The following VPS50 variants were observed in gnomAD, a reference collection of about 807,000 sequenced individuals.
VPS50 encodes VPS50 subunit of EARP/GARPII complex.
VPS50 carries 70 observed loss-of-function variants against 139.7 expected under a neutral mutation model. That is an observed-to-expected ratio of 0.50 (90% CI 0.41 to 0.61). The LOEUF is 0.61. Ranked by LOEUF, VPS50 falls within the 20% of genes least tolerant of loss-of-function variation. The pLI, the probability that VPS50 is intolerant of heterozygous loss-of-function variation, is 0.00. For synonymous variants in VPS50, 365 were observed against 376.7 expected (o/e 0.97, Z 0.36); for missense variants, 921 against 1,133.7 (o/e 0.81, Z 2.69).
At position 93,355,923 on chromosome 7, in the gene VPS50, G is replaced by C. The variant is rs760683746; in HGVS notation, c.2618G>C (p.Gly873Ala). 1.2e-6 allele frequency: 2 copies of C among 1,601,448 alleles called. No homozygotes were observed. Among genetic ancestry groups the C allele is most frequent in the African/African-American group, 2.7e-5 (2 of 74,782 alleles). ...AATGTCAAGAAATGCAGTAATGAGG[G>C]TCGTGCCCTGATGCAATTGGATTTT... ...YANVKKCSNEGRALMQLDFQQ... is the reference protein window; with the variant it reads ...YANVKKCSNEARALMQLDFQQ... The change falls in exon 27 of 28, where the codon GGT becomes GCT. Residue 873 changes from glycine (G) to alanine (A), a missense_variant. By Grantham distance (60) the Gly-to-Ala change is moderately conservative. Around this residue, in one of 3 missense-constraint regions of VPS50, gnomAD observed 158 missense variants for 156.3 expected, o/e 1.01. Transcript: ENST00000305866.
At chr7:93,351,808 G>A (rs17711655) in intron 25 of VPS50, among the ~76,000 whole-genome samples, 3,152 of 152,136 alleles carry the variant, frequency 0.021, 55 homozygotes, top group Non-Finnish European at 0.025. Flanking sequence ...TAGGGTGCAA[G>A]AAAAAAAGAT....
At chr7:93,335,230 C>T (rs1007621828) in intron 22 of VPS50, among the ~76,000 whole-genome samples, 11 of 152,036 alleles carry the variant, frequency 7.2e-5, no homozygotes, top group Admixed American at 1.3e-4. Flanking sequence ...GAAACTGAAG[C>T]GGTGATAGGA....
At chr7:93,300,409 A>G (rs996806655) in intron 16 of VPS50, among the ~76,000 whole-genome samples, 35 of 152,164 alleles carry the variant, frequency 2.3e-4, no homozygotes, top group African/African-American at 8.0e-4. Flanking sequence ...GGAAAATGAC[A>G]GACTAGTCAT....
chr7:93,248,263 C>T lies in VPS50; in HGVS notation c.103-4390C>T, dbSNP rs146984833. ...AGTTCCATTTGGTATTCATTTCCCC[C>T]AATTTTGCCTTGTAATTTTTTTATA... On this transcript the variant is annotated intron_variant, in intron 2 of 27. Transcript: ENST00000305866. Among the ~76,000 whole-genome samples, 377 of 151,920 alleles carry T rather than the reference C, an allele frequency of 2.5e-3. 2 individuals are homozygous for T. The highest frequency in any genetic ancestry group is 8.7e-3 in the African/African-American group (362 of 41,458).
intron 9 of VPS50, among the ~76,000 whole-genome samples, chr7:93,263,216 T>C (rs908388956): frequency 6.6e-6 from 1 of 152,232 alleles, no homozygotes; most frequent in Non-Finnish European, 1.5e-5. Flanking sequence ...CAAGATTTAA[T>C]CTTTGCTTGG....
intron 20 of VPS50, among the ~76,000 whole-genome samples, chr7:93,322,551 G>A (rs1797646801): frequency 7.6e-6 from 1 of 132,360 alleles, no homozygotes; most frequent in Admixed American, 9.1e-5. Context: ...AGTGAGCCGA[G>A]ATCGCGCCAC....
At chr7:93,341,698 TTTCTGAGAAGTATA>T in intron 23 of VPS50, 123 bp downstream of exon 23, 1 of 575,128 alleles carries the variant, frequency 1.7e-6, no homozygotes. Context: ...CACTTATATG[TTTCTGAGAAGTATA>T]TTCTAACACA....
At chr7:93,251,669 A>G (rs926794291) in intron 2 of VPS50, among the ~76,000 whole-genome samples, 1 of 152,220 alleles carries the variant, frequency 6.6e-6, no homozygotes, top group Non-Finnish European at 1.5e-5. Flanking sequence ...AGTATCATAA[A>G]AAGTGAAAAA....
At chr7:93,278,444 A>T (rs956600388) in intron 12 of VPS50, among the ~76,000 whole-genome samples, 4 of 150,476 alleles carry the variant, frequency 2.7e-5, no homozygotes, top group African/African-American at 4.8e-5. Flanking sequence ...AAAAAAAAAA[A>T]ATATTAGCTG....
intron 9 of VPS50, among the ~76,000 whole-genome samples, chr7:93,266,693 T>C (rs1414036194): frequency 6.6e-6 from 1 of 152,190 alleles, no homozygotes; most frequent in African/African-American, 2.4e-5. Context: ...TTGACCATAA[T>C]GTTGCATTTA....
chr7:93,284,585 G>A (rs1327126725), intron 12 of VPS50, among the ~76,000 whole-genome samples: 1 of 152,162 alleles, frequency 6.6e-6, no homozygotes, highest in African/African-American at 2.4e-5. Context: ...TGCCGTAGAT[G>A]AGAATGAGTG....
intron 18 of VPS50, among the ~76,000 whole-genome samples, chr7:93,307,347 C>T (rs188293493): frequency 3.9e-5 from 6 of 151,986 alleles, no homozygotes; most frequent in Admixed American, 6.6e-5. Context: ...AGCACTTCAA[C>T]GCAACACTTG....
chr7:93,292,046 C>T (rs1215519993), intron 13 of VPS50, among the ~76,000 whole-genome samples: 1 of 151,998 alleles, frequency 6.6e-6, no homozygotes, highest in Non-Finnish European at 1.5e-5. Context: ...TTTTAAGTGG[C>T]ACATAGTACT....
At chr7:93,357,777 T>A (rs1487886462) in intron 27 of VPS50, among the ~76,000 whole-genome samples, 1 of 152,136 alleles carries the variant, frequency 6.6e-6, no homozygotes, top group Non-Finnish European at 1.5e-5. Context: ...TGGATTTGGA[T>A]TGCGAAAGAT....
chr7:93,275,200 T>G (rs1796117753), intron 11 of VPS50, among the ~76,000 whole-genome samples: 3 of 152,138 alleles, frequency 2.0e-5, no homozygotes, highest in Admixed American at 2.0e-4. Flanking sequence ...ATTGTTGAAA[T>G]AACAAGAAAT....
At chr7:93,330,771 A>AC (rs1797914343) in intron 21 of VPS50, among the ~76,000 whole-genome samples, 1 of 151,110 alleles carries the variant, frequency 6.6e-6, no homozygotes, top group Non-Finnish European at 1.5e-5. Flanking sequence ...CAAAAAAAAA[A>AC]AAAAAAAAAA....
chr7:93,306,067 C>A, intron 18 of VPS50, 63 bp downstream of exon 18: 1 of 1,201,188 alleles, frequency 8.3e-7, no homozygotes, highest in South Asian at 1.3e-5. Flanking sequence ...ACTCAATGAA[C>A]AAGGCAATTC....
At chr7:93,264,116 T>G (rs1795770126) in intron 9 of VPS50, among the ~76,000 whole-genome samples, 1 of 152,178 alleles carries the variant, frequency 6.6e-6, no homozygotes, top group African/African-American at 2.4e-5. Flanking sequence ...TGAGGAATGA[T>G]TATCATATAA....
At chr7:93,326,452 A>AT (rs1491199238) in intron 21 of VPS50, among the ~76,000 whole-genome samples, 2 of 125,772 alleles carry the variant, frequency 1.6e-5, no homozygotes, top group East Asian at 5.4e-4. Flanking sequence ...TATAATAATA[A>AT]TAAAAAAAAA....
Sources: allele counts gnomAD v4.1 joint callset (sites outside exome capture counted in the v4.1 genomes callset), GRCh38; gene constraint gnomAD v4.1.1; regional missense constraint gnomAD v4.1.1; transcripts MANE v1.5; gene names NCBI Gene and HGNC (gene_info 2026-07-23, HGNC 2026-07-21).